ZDHHC17: variants seen among roughly 807,000 people sequenced by gnomAD.
ZDHHC17 encodes palmitoyltransferase ZDHHC17.
Under a neutral mutation model 90.3 loss-of-function variants are expected in ZDHHC17, and 40 were observed. The observed-to-expected ratio is 0.44, with a 90% CI of 0.34 to 0.58. The LOEUF is 0.58. Ranked by LOEUF, ZDHHC17 falls within the 20% of genes least tolerant of loss-of-function variation. ZDHHC17 has a pLI of 0.01. For synonymous variants in ZDHHC17, 235 were observed against 252.4 expected (o/e 0.93, Z 0.65); for missense variants, 614 against 780.8 (o/e 0.79, Z 2.55).
At chr12:76,841,161 C>T (rs918864873) in intron 10 of ZDHHC17, 3 of 152,130 alleles carry the variant, frequency 2.0e-5, no homozygotes, top group African/African-American at 7.2e-5. Flanking sequence ...TGTCAAGTGG[C>T]TATTGAGTGT....
chr12:76,776,249 G>T (rs1952558543), intron 1 of ZDHHC17, among the ~76,000 whole-genome samples: 1 of 151,944 alleles, frequency 6.6e-6, no homozygotes, highest in African/African-American at 2.4e-5. Flanking sequence ...AATTTTAAAG[G>T]TATCAGAAAT....
chr12:76,776,680 A>T (rs1295250837), intron 1 of ZDHHC17, among the ~76,000 whole-genome samples: 1 of 152,224 alleles, frequency 6.6e-6, no homozygotes, highest in Non-Finnish European at 1.5e-5. Flanking sequence ...AATAAAATTT[A>T]AAATTCAGTT....
chr12:76,829,018 A>G (rs1953264345), intron 10 of ZDHHC17, among the ~76,000 whole-genome samples: 2 of 152,200 alleles, frequency 1.3e-5, no homozygotes, highest in Admixed American at 6.5e-5. Flanking sequence ...TAAAACTACA[A>G]TTTCACACCA....
rs910900890 is a variant in ZDHHC17, at chr12:76,809,941, C to T, written c.543+84C>T. 1.1e-4 allele frequency: 157 copies of T among 1,427,962 alleles called. No individual in the cohort carries two copies. In the African/African-American group the frequency reaches 1.7e-3, roughly 15 times the overall value. The allele number at this position is 1,427,962 out of a possible 1,614,324, so 88.5% of individuals were successfully genotyped here. ...TAATATTATTGGTGTTGTAACAAGCCGTTGATATTTAAATAGCACTTTCTG... is the reference window on the plus strand; with the variant it reads ...TAATATTATTGGTGTTGTAACAAGCTGTTGATATTTAAATAGCACTTTCTG... On this transcript the variant is annotated intron_variant, in intron 5 of 16. Coordinates refer to ENST00000426126, the MANE Select transcript of ZDHHC17 (RefSeq NM_015336.4).
At chr12:76,842,563 A>G (rs572955247) in intron 11 of ZDHHC17, among the ~76,000 whole-genome samples, 1 of 152,314 alleles carries the variant, frequency 6.6e-6, no homozygotes, top group African/African-American at 2.4e-5. Flanking sequence ...ATTATAATCT[A>G]ACAATGTTGT....
intron 8 of ZDHHC17, among the ~76,000 whole-genome samples, chr12:76,824,492 G>C (rs1953207185): frequency 6.6e-6 from 1 of 151,974 alleles, no homozygotes; most frequent in Admixed American, 6.6e-5. Context: ...TGTCACATTG[G>C]AAAAGTTTCA....
chr12:76,841,896 GTT>G, intron 10 of ZDHHC17, 84 bp from the exon 11 acceptor site: 1 of 1,089,304 alleles, frequency 9.2e-7, no homozygotes, highest in Non-Finnish European at 1.2e-6. Context: ...ACTGGTAGGT[GTT>G]TTGTAAAATT....
At chr12:76,848,935 A>G (rs1953526727) in intron 15 of ZDHHC17, among the ~76,000 whole-genome samples, 1 of 151,968 alleles carries the variant, frequency 6.6e-6, no homozygotes, top group Admixed American at 6.6e-5. Flanking sequence ...CATTGTTTTT[A>G]TCTTTATCCT....
intron 2 of ZDHHC17, among the ~76,000 whole-genome samples, chr12:76,803,699 C>A (rs933672760): frequency 6.6e-6 from 1 of 152,150 alleles, no homozygotes; most frequent in Non-Finnish European, 1.5e-5. Flanking sequence ...TTGACAAATT[C>A]TTTTAATCCC....
At chr12:76,805,168 T>C (rs1329012988) in intron 2 of ZDHHC17, 149 bp from the exon 3 acceptor site, 8 of 759,678 alleles carry the variant, frequency 1.1e-5, no homozygotes, top group Non-Finnish European at 1.6e-5. Flanking sequence ...TTTTGGAATG[T>C]TGACATTTTA....
Position 76,812,451 on chromosome 12 carries a change from C to G in ZDHHC17, c.543+2594C>G, listed in dbSNP as rs116696974. On this transcript the variant is annotated intron_variant, in intron 5 of 16. Coordinates refer to ENST00000426126, the MANE Select transcript of ZDHHC17 (RefSeq NM_015336.4). Reference sequence around the variant, plus strand: ...CTCTCTCTCTTCAGTCAGATGGTTGCTCAAATTTTATTAGTTCTGATTACA... The same window carrying G: ...CTCTCTCTCTTCAGTCAGATGGTTGGTCAAATTTTATTAGTTCTGATTACA... 3.9e-3 allele frequency among the ~76,000 whole-genome samples: 592 copies of G among 152,236 alleles called. 8 individuals are homozygous for G. Among genetic ancestry groups the G allele is most frequent in the African/African-American group, 0.014 (573 of 41,546 alleles).
chr12:76,813,279 T>C, intron 5 of ZDHHC17: 1 of 422,272 alleles, frequency 2.4e-6, no homozygotes, highest in South Asian at 1.7e-5. Flanking sequence ...AAGTTTGTTG[T>C]TTCTTCAGAA....
At chr12:76,806,287 G>T (rs992805866) in intron 3 of ZDHHC17, among the ~76,000 whole-genome samples, 8 of 151,446 alleles carry the variant, frequency 5.3e-5, no homozygotes, top group Non-Finnish European at 8.8e-5. Flanking sequence ...TTTTGTTTTT[G>T]TTTTTTTTGA....
chr12:76,822,550 ATT>A lies in ZDHHC17; in HGVS notation c.897+39_897+40del, dbSNP rs10618043. The A allele has an allele frequency of 0.23, 267,988 of 1,183,738 alleles. 3,338 individuals are homozygous for A. The highest frequency in any genetic ancestry group is 0.28 in the African/African-American group (15,567 of 54,902). 73.3% of individuals were successfully genotyped at this position (1,183,738 alleles called of 1,614,324 possible). A position where few individuals can be genotyped will look rare whatever the true frequency, so the allele number is the denominator to read the frequency against. The stretch of plus-strand genomic sequence containing the variant: ...TGATAAGGTAAACTCATAACTGAAG[ATT>A]TTTTTTTTTTTTTTTTTTTGAGACG... On this transcript the variant is annotated intron_variant, in intron 8 of 16. Coordinates refer to ENST00000426126, the MANE Select transcript of ZDHHC17 (RefSeq NM_015336.4).
rs766679254 is a variant in ZDHHC17 at position 76,829,349 on chromosome 12, C to G, written c.1141+859C>G. 2.7e-5 allele frequency among the ~76,000 whole-genome samples: 4 copies of G among 147,954 alleles called. No individual in the cohort carries two copies. The Admixed American group carries it at 2.8e-4, about 10-fold the overall frequency. ...GCACGTGCCTGTATTCCCAGCTACT[C>G]GGGAGGCTGAGGCAGTAGAATTGTT... is the stretch of plus-strand genomic sequence containing the variant. On this transcript the variant is annotated intron_variant, in intron 10 of 16. Transcript: ENST00000426126.
intron 2 of ZDHHC17, among the ~76,000 whole-genome samples, chr12:76,803,308 G>C (rs566586179): frequency 6.6e-6 from 1 of 152,242 alleles, no homozygotes; most frequent in East Asian, 1.9e-4. Context: ...CTTTGTCTTA[G>C]ATGATTTTGT....
At chr12:76,848,530 C>T (rs1953522721) in intron 15 of ZDHHC17, 140 bp downstream of exon 15, 2 of 1,026,896 alleles carry the variant, frequency 1.9e-6, no homozygotes, top group East Asian at 2.7e-5. Context: ...TTCCTTTCTA[C>T]CTCACTCTTT....
At chr12:76,830,587 T>C (rs1307227913) in intron 10 of ZDHHC17, among the ~76,000 whole-genome samples, 1 of 152,198 alleles carries the variant, frequency 6.6e-6, no homozygotes, top group African/African-American at 2.4e-5. Context: ...ACACTTAGTA[T>C]GAGTAAAACA....
At chr12:76,789,796 C>T (rs1408380982) in intron 1 of ZDHHC17, among the ~76,000 whole-genome samples, 1 of 151,984 alleles carries the variant, frequency 6.6e-6, no homozygotes, top group Non-Finnish European at 1.5e-5. Context: ...TCAAAGAAAT[C>T]CCAGTTGAGG....
Sources: allele counts gnomAD v4.1 joint callset (sites outside exome capture counted in the v4.1 genomes callset), GRCh38; gene constraint gnomAD v4.1.1; transcripts MANE v1.5; gene names NCBI Gene and HGNC (gene_info 2026-07-23, HGNC 2026-07-21).